Variants in TTC7A observed in about 807,000 individuals in gnomAD.
TTC7A encodes tetratricopeptide repeat protein 7A.
TTC7A carries 110 observed loss-of-function variants against 103.7 expected under a neutral mutation model. That is an observed-to-expected ratio of 1.06 (90% CI 0.91 to 1.24). The LOEUF (loss-of-function observed/expected upper bound fraction) is 1.24. TTC7A is among the 50% of genes most tolerant of loss of function. The pLI, the probability that TTC7A is intolerant of heterozygous loss-of-function variation, is 0.00. For missense variants in TTC7A, 1,340 were observed against 1,116.3 expected (o/e 1.20, Z -2.86); for synonymous variants, 521 against 467.9 (o/e 1.11, Z -1.47).
At chr2:46,971,727 G>C (rs960592056) in intron 3 of TTC7A, among the ~76,000 whole-genome samples, 12 of 152,200 alleles carry the variant, frequency 7.9e-5, no homozygotes, top group African/African-American at 2.9e-4. Flanking sequence ...GGCTTATAGG[G>C]CAGGAAACAG....
chr2:47,019,233 A>T (rs752062804), intron 11 of TTC7A, among the ~76,000 whole-genome samples: 51 of 152,162 alleles, frequency 3.4e-4, no homozygotes, highest in Non-Finnish European at 6.8e-4. Context: ...GTAGTATGGT[A>T]ATAGAAATCA....
chr2:47,029,849 C>A (rs886139604), intron 15 of TTC7A, among the ~76,000 whole-genome samples: 1 of 152,212 alleles, frequency 6.6e-6, no homozygotes, highest in Non-Finnish European at 1.5e-5. Context: ...TCATACCTCC[C>A]CACCTCCCTC....
intron 15 of TTC7A, among the ~76,000 whole-genome samples, chr2:47,030,533 G>T (rs1465918816): frequency 2.0e-5 from 3 of 152,212 alleles, no homozygotes; most frequent in African/African-American, 7.2e-5. Context: ...AAAGAAAGGT[G>T]CTTTGGGAGT....
intron 2 of TTC7A, among the ~76,000 whole-genome samples, chr2:46,927,651 C>T (rs117646530): frequency 0.077 from 11,696 of 151,352 alleles, 618 homozygotes; most frequent in Non-Finnish European, 0.11. Context: ...TGAGCTACCG[C>T]GCCCGGCAAA....
intron 19 of TTC7A, among the ~76,000 whole-genome samples, chr2:47,072,430 T>A (rs893097398): frequency 6.6e-6 from 1 of 152,198 alleles, no homozygotes; most frequent in Admixed American, 6.5e-5. Flanking sequence ...GAGCGCCATC[T>A]TTCACTCCCA....
Position 47,005,524 on chromosome 2 carries a change from A to G in TTC7A, c.1066-398A>G, listed in dbSNP as rs558413020. 4.6e-5 allele frequency among the ~76,000 whole-genome samples: 7 copies of G among 152,348 alleles called. No homozygotes were observed. In the South Asian group the frequency reaches 1.2e-3, roughly 27 times the overall value. On this transcript the variant is annotated intron_variant, in intron 8 of 19. Transcript: ENST00000319190. ...CCAGATACAGGGAGATTAAAGAGAC[A>G]TGGCACCTGAATACAAGGTATGATC...
At chr2:47,048,449 TC>T (rs1250245414) in intron 16 of TTC7A, among the ~76,000 whole-genome samples, 1 of 152,100 alleles carries the variant, frequency 6.6e-6, no homozygotes, top group South Asian at 2.1e-4. Context: ...TCTCATTTGC[TC>T]CCCACGACCA....
intron 19 of TTC7A, chr2:47,067,928 T>C (rs1014494710): frequency 6.6e-6 from 1 of 152,226 alleles, no homozygotes; most frequent in African/African-American, 2.4e-5. Flanking sequence ...CCGTCCTCTC[T>C]GAGTCCACAG....
intron 16 of TTC7A, 68 bp from the exon 17 acceptor site, chr2:47,049,881 C>A: frequency 8.3e-7 from 1 of 1,204,388 alleles, no homozygotes; most frequent in South Asian, 1.3e-5. Context: ...TGCTGGCCCT[C>A]TACCTCACTG....
At chr2:47,047,843 T>A (rs1001719356) in intron 16 of TTC7A, among the ~76,000 whole-genome samples, 2 of 152,170 alleles carry the variant, frequency 1.3e-5, no homozygotes, top group African/African-American at 4.8e-5. Context: ...AAACTAGATT[T>A]TATAAGCCCT....
intron 4 of TTC7A, among the ~76,000 whole-genome samples, chr2:46,977,773 C>G (rs570599117): frequency 2.6e-5 from 4 of 152,182 alleles, no homozygotes; most frequent in African/African-American, 9.7e-5. Context: ...GAGCCTCACT[C>G]TTTTGCCCAG....
intron 2 of TTC7A, among the ~76,000 whole-genome samples, chr2:46,918,765 A>T (rs1046809941): frequency 3.3e-5 from 5 of 152,210 alleles, no homozygotes; most frequent in Non-Finnish European, 7.3e-5. Context: ...AATATGGAAC[A>T]TTAGTGAGTG....
intron 19 of TTC7A, among the ~76,000 whole-genome samples, chr2:47,062,034 G>C (rs1237291711): frequency 6.6e-6 from 1 of 152,254 alleles, no homozygotes; most frequent in African/African-American, 2.4e-5. Context: ...GGCATCAGGA[G>C]AATGGCTCCA....
At chr2:46,946,721 C>G (rs1040552172) in intron 1 of TTC7A, among the ~76,000 whole-genome samples, 3 of 152,212 alleles carry the variant, frequency 2.0e-5, no homozygotes, top group Non-Finnish European at 2.9e-5. Context: ...CACAGCAGGC[C>G]TGAATTCTTG....
chr2:46,924,206 TA>T (rs34177384), intron 2 of TTC7A, among the ~76,000 whole-genome samples: 15,593 of 128,584 alleles, frequency 0.12, 896 homozygotes, highest in African/African-American at 0.16. Flanking sequence ...CCTGTCTCTT[TA>T]AAAAAAAAAA....
chr2:47,054,599 G>A (rs538446595), intron 18 of TTC7A, among the ~76,000 whole-genome samples: 9 of 152,168 alleles, frequency 5.9e-5, no homozygotes, highest in Middle Eastern at 3.4e-3. Context: ...TTGGGAGGCC[G>A]AGGCAGGCAG....
rs1226784008 is a variant in TTC7A, at chr2:47,024,289, C to A, written c.1571C>A (p.Ala524Asp). ...TGTCACTCCCTCTCCCCACACAGGG[C>A]TCAGCAGCTGGCGCCCAGTGACCCC... ...HRKALQTLER[A>D]QQLAPSDPQV... The change falls in exon 14 of 20, where the codon GCT becomes GAT. Residue 524 changes from alanine (A) to aspartate (D), a missense_variant and splice_region_variant. Coordinates refer to ENST00000319190, the MANE Select transcript of TTC7A (RefSeq NM_020458.4). 1 of 1,604,626 alleles carries A rather than the reference C, an allele frequency of 6.2e-7. No homozygotes were observed. The highest frequency in any genetic ancestry group is 1.7e-5 in the Admixed American group (1 of 59,018).
At chr2:46,994,696 G>T (rs1189186187) in intron 7 of TTC7A, among the ~76,000 whole-genome samples, 182 bp downstream of exon 7, 1 of 152,216 alleles carries the variant, frequency 6.6e-6, no homozygotes, top group Non-Finnish European at 1.5e-5. Flanking sequence ...TTGGGGTCCA[G>T]GTTGTGGAGA....
intron 19 of TTC7A, among the ~76,000 whole-genome samples, chr2:47,061,322 G>A (rs1389021964): frequency 1.3e-5 from 2 of 152,170 alleles, no homozygotes; most frequent in Non-Finnish European, 2.9e-5. Flanking sequence ...CCCTTGCCCT[G>A]AAGGCTAATC....
Sources: gnomAD v4.1 joint callset for allele counts (sites outside exome capture counted in the v4.1 genomes callset) on GRCh38, gnomAD v4.1.1 for gene constraint, MANE v1.5 for transcripts, NCBI Gene and HGNC (gene_info 2026-07-23, HGNC 2026-07-21) for gene names.